The following RSC1A1 variants were observed in gnomAD, a reference collection of about 807,000 sequenced individuals.
The protein encoded by RSC1A1 is regulator of solute carriers 1, also known as regulatory solute carrier protein family 1 member 1.
In RSC1A1, 6 loss-of-function variants were observed where a neutral mutation model predicts 7.7. The observed-to-expected ratio is 0.78, with a 90% CI of 0.43 to 1.53. The LOEUF is 1.53. Among genes scored for constraint, RSC1A1 ranks in the 40% most tolerant of loss-of-function variants. The pLI, the probability that RSC1A1 is intolerant of heterozygous loss-of-function variation, is 0.01. For missense variants in RSC1A1, 729 were observed against 726.3 expected (o/e 1.00, Z -0.04); for synonymous variants, 250 against 263.0 (o/e 0.95, Z 0.48).
Position 15,660,343 on chromosome 1 carries a change from C to T in RSC1A1, c.475C>T (p.Leu159=). 1 of 1,614,134 alleles carries T rather than the reference C, an allele frequency of 6.2e-7. No individual in the cohort carries two copies. Among genetic ancestry groups the T allele is most frequent in the Non-Finnish European group, 8.5e-7 (1 of 1,180,022 alleles). ...GGATTGGCATCCAGAAAATCAGAAC[C>T]TGAGTCAAGTGAGTGACCCTCAGCA... ...EKDWHPENQN[L]SQVSDPQQHE... The change falls in exon 1 of 1, where the codon CTG becomes TTG. Residue 159 remains leucine, a synonymous_variant. Coordinates refer to ENST00000345034, the MANE Select transcript of RSC1A1 (RefSeq NM_006511.3).
the RSC1A1 span, chr1:15,661,384 C>T: frequency 2.5e-6 from 4 of 1,614,214 alleles, no homozygotes; most frequent in Non-Finnish European, 3.4e-6. Context: ...TGCACTCAAT[C>T]AGACTTCTGA....
rs1255175967 is a variant in RSC1A1 at position 15,661,162 on chromosome 1, A to G, written c.1294A>G (p.Thr432Ala). ...AGTGGAGACAGAAAAATTAACAGGT[A>G]CTTCATCTGACACTGGAAGAGAAGC... ...VSVETEKLTG[T>A]SSDTGREAVE... The change falls in exon 1 of 1, where the codon ACT becomes GCT. Residue 432 changes from threonine to alanine, a missense_variant. Coordinates refer to ENST00000345034, the MANE Select transcript of RSC1A1 (RefSeq NM_006511.3). 2.5e-6 allele frequency: 4 copies of G among 1,614,128 alleles called. No individual in the cohort carries two copies. In the Admixed American group the frequency reaches 6.7e-5, roughly 27 times the overall value.
the RSC1A1 span, chr1:15,660,220 AC>A: frequency 6.2e-7 from 1 of 1,614,232 alleles, no homozygotes. Flanking sequence ...TGAAAGAAGC[AC>A]CCAGGGCCTC....
In RSC1A1 at chr1:15,660,598, A is replaced by G. The variant is rs374494090; in HGVS notation, c.730A>G (p.Asn244Asp). 1 of 1,613,866 alleles carries G rather than the reference A, an allele frequency of 6.2e-7. No individual in the cohort carries two copies. Among genetic ancestry groups the G allele is most frequent in the African/African-American group, 1.3e-5 (1 of 74,938 alleles). ...ATCTTCAGAATGCAGTGGCTGCTCAAATTCAGAAACATTTATGGAAATCGA... is the reference window on the plus strand; with the variant it reads ...ATCTTCAGAATGCAGTGGCTGCTCAGATTCAGAAACATTTATGGAAATCGA... Reference protein sequence around the residue: ...IPSSECSGCSNSETFMEIDTA... With the variant: ...IPSSECSGCSDSETFMEIDTA... Residue 244 changes from asparagine to aspartate, a missense_variant, in exon 1 of 1, where the codon AAT (asparagine) becomes GAT (aspartate). Physicochemically the swap from Asn to Asp is conservative, Grantham distance 23 (BLOSUM62 1). Coordinates refer to ENST00000345034, the MANE Select transcript of RSC1A1 (RefSeq NM_006511.3).
At position 15,661,450 on chromosome 1, in the gene RSC1A1, A is replaced by G. The variant is rs540216336; in HGVS notation, c.1582A>G (p.Ile528Val). The part of the protein sequence containing the change: ...FILVKDLGQG[I>V]QNSVTDRPET... The stretch of plus-strand genomic sequence containing the variant: ...ATTGGTTAAAGACTTAGGTCAGGGC[A>G]TACAGAATTCAGTAACAGACAGGCC... Residue 528 changes from isoleucine (I) to valine (V), a missense_variant, in exon 1 of 1, where the codon ATA becomes GTA. By Grantham distance (29) the Ile-to-Val change is conservative. Coordinates refer to ENST00000345034, the MANE Select transcript of RSC1A1 (RefSeq NM_006511.3). 5.6e-6 allele frequency: 9 copies of G among 1,614,008 alleles called. No individual in the cohort carries two copies. In the African/African-American group the frequency reaches 1.2e-4, roughly 22 times the overall value.
Position 15,661,708 on chromosome 1 carries a change from G to C in RSC1A1, c.1840G>C (p.Val614Leu), listed in dbSNP as rs773446093. The C allele has an allele frequency of 6.2e-7, 1 of 1,610,368 alleles. No homozygotes were observed. Among genetic ancestry groups the C allele is most frequent in the East Asian group, 2.2e-5 (1 of 44,846 alleles). Reference sequence around the variant, plus strand: ...TCTTGTTTTGCTCGCAAAAAACATCGTAGTTCCTACATGACTGTGGGAAAG... The same window carrying C: ...TCTTGTTTTGCTCGCAAAAAACATCCTAGTTCCTACATGACTGTGGGAAAG... ...ALLVLLAKNI[V>L]VPT is the part of the protein sequence containing the mutation. The change falls in exon 1 of 1, where the codon GTA becomes CTA. Residue 614 changes from valine to leucine, a missense_variant. Coordinates refer to ENST00000345034, the MANE Select transcript of RSC1A1 (RefSeq NM_006511.3).
At chr1:15,661,406 CTT>C in the RSC1A1 span, 3 of 1,614,164 alleles carry the variant, frequency 1.9e-6, no homozygotes, top group South Asian at 1.1e-5. Flanking sequence ...CAAACTAAGT[CTT>C]TGTCATCCAA....
At position 15,661,469 on chromosome 1, in the gene RSC1A1, A is replaced by C. The variant is rs1386162969; in HGVS notation, c.1601A>C (p.Asp534Ala). 1.2e-6 allele frequency: 2 copies of C among 1,613,900 alleles called. No individual in the cohort carries two copies. Among genetic ancestry groups the C allele is most frequent in the Non-Finnish European group, 1.7e-6 (2 of 1,179,890 alleles). ...CAGGGCATACAGAATTCAGTAACAG[A>C]CAGGCCTGAAACCAGAGAAAATGTC... is the stretch of plus-strand genomic sequence containing the variant. Reference protein sequence around the residue: ...LGQGIQNSVTDRPETRENVCP... With the variant: ...LGQGIQNSVTARPETRENVCP... Residue 534 changes from aspartate to alanine, a missense_variant, in exon 1 of 1, where the codon GAC becomes GCC. Asp to Ala is a moderately radical substitution (Grantham distance 126). Transcript: ENST00000345034.
Position 15,659,885 on chromosome 1 carries a change from C to G in RSC1A1, c.17C>G (p.Thr6Ser). The change falls in exon 1 of 1, where the codon ACT becomes AGT. Residue 6 changes from threonine to serine, a missense_variant. Coordinates refer to ENST00000345034, the MANE Select transcript of RSC1A1 (RefSeq NM_006511.3). ...TCACTGGGAATGTCATCATTACCAA[C>G]TTCAGATGGGTTTAACCATCCCGCC... MSSLP[T>S]SDGFNHPARS... The G allele has an allele frequency of 6.3e-7, 1 of 1,586,450 alleles. No individual in the cohort carries two copies. Among genetic ancestry groups the G allele is most frequent in the South Asian group, 1.2e-5 (1 of 85,856 alleles).
Position 15,661,111 on chromosome 1 carries a change from T to C in RSC1A1, c.1243T>C (p.Ser415Pro), listed in dbSNP as rs1425209151. The change falls in exon 1 of 1, where the codon TCC becomes CCC. Residue 415 changes from serine (S) to proline (P), a missense_variant. By Grantham distance (74) the Ser-to-Pro change is moderately conservative. Transcript: ENST00000345034. ...LTQNEQCPQV[S>P]FHQAISVSVE... is the part of the protein sequence containing the mutation. The stretch of plus-strand genomic sequence containing the variant: ...CCAGAATGAACAGTGTCCACAAGTC[T>C]CCTTTCATCAGGCCATATCTGTATC... The C allele has an allele frequency of 6.2e-7, 1 of 1,613,704 alleles. No homozygotes were observed. Among genetic ancestry groups the C allele is most frequent in the Admixed American group, 1.7e-5 (1 of 59,920 alleles).
In RSC1A1 at chr1:15,660,085, T is replaced by C. The variant is rs747149779; in HGVS notation, c.217T>C (p.Ser73Pro). Reference sequence around the variant, plus strand: ...AAACTCTGAAAAGAAAGAACATCTTTCTTTACAAGATCTTTCTGATCATGC... The same window carrying C: ...AAACTCTGAAAAGAAAGAACATCTTCCTTTACAAGATCTTTCTGATCATGC... ...QLNSEKKEHLSLQDLSDHASS... is the reference protein window; with the variant it reads ...QLNSEKKEHLPLQDLSDHASS... Residue 73 changes from serine to proline, a missense_variant, in exon 1 of 1, where the codon TCT (serine) becomes CCT (proline). Coordinates refer to ENST00000345034, the MANE Select transcript of RSC1A1 (RefSeq NM_006511.3). 42 of 1,613,886 alleles carry C rather than the reference T, an allele frequency of 2.6e-5. No homozygotes were observed. The highest frequency in any genetic ancestry group is 3.4e-5 in the Non-Finnish European group (40 of 1,179,960).
Position 15,661,197 on chromosome 1 carries a change from T to C in RSC1A1, c.1329T>C (p.Asn443=), listed in dbSNP as rs2148308689. 6.2e-7 allele frequency: 1 copy of C among 1,614,100 alleles called. No homozygotes were observed. The highest frequency in any genetic ancestry group is 8.5e-7 in the Non-Finnish European group (1 of 1,180,016). Residue 443 remains asparagine, a synonymous_variant, in exon 1 of 1, where the codon AAT becomes AAC. Transcript: ENST00000345034. The part of the protein sequence containing the change: ...SSDTGREAVE[N]VNFRSLGDGL... ...ACACTGGAAGAGAAGCTGTAGAAAA[T>C]GTAAACTTCAGGAGTCTAGGTGATG...
chr1:15,661,827 G>T lies in RSC1A1; in HGVS notation c.*105G>T, dbSNP rs537321999. ...ACTCACCACATATACAGTATATATA[G>T]AAACCTGCAAGCAGAATGTTGAGCC... On this transcript the variant is annotated 3_prime_UTR_variant, in exon 1 of 1. Transcript: ENST00000345034. 12 of 1,344,732 alleles carry T rather than the reference G, an allele frequency of 8.9e-6. No homozygotes were observed. The highest frequency in any genetic ancestry group is 1.1e-5 in the Non-Finnish European group (11 of 1,036,574). 83.3% of individuals were successfully genotyped at this position (1,344,732 alleles called of 1,614,324 possible).
Position 15,659,780 on chromosome 1 carries a change from T to C in RSC1A1, c.-89T>C, listed in dbSNP as rs1224053872. 1.6e-5 allele frequency: 23 copies of C among 1,464,138 alleles called. No homozygotes were observed. In the South Asian group the frequency reaches 2.6e-4, roughly 16 times the overall value. The allele number at this position is 1,464,138 out of a possible 1,614,324, so 90.7% of individuals were successfully genotyped here. On this transcript the variant is annotated 5_prime_UTR_variant, in exon 1 of 1. Transcript: ENST00000345034. ...TTTAGATTTGTATCCTCTGGTAATT[T>C]AGTGGCATTAGTCACCTGCTAATTA...
Position 15,661,691 on chromosome 1 carries a change from T to C in RSC1A1, c.1823T>C (p.Leu608Ser), listed in dbSNP as rs1407264665. 4 of 1,610,900 alleles carry C rather than the reference T, an allele frequency of 2.5e-6. No individual in the cohort carries two copies. Among genetic ancestry groups the C allele is most frequent in the Non-Finnish European group, 3.4e-6 (4 of 1,178,540 alleles). The change falls in exon 1 of 1, where the codon TTG (leucine) becomes TCG (serine). Residue 608 changes from leucine to serine, a missense_variant. Coordinates refer to ENST00000345034, the MANE Select transcript of RSC1A1 (RefSeq NM_006511.3). Reference protein sequence around the residue: ...GGNADLALLVLLAKNIVVPT With the variant: ...GGNADLALLVSLAKNIVVPT ...AATGCAGACCTTGCACTTCTTGTTT[T>C]GCTCGCAAAAAACATCGTAGTTCCT...
Position 15,661,487 on chromosome 1 carries a change from A to T in RSC1A1, c.1619A>T (p.Glu540Val). 1 of 1,613,994 alleles carries T rather than the reference A, an allele frequency of 6.2e-7. No individual in the cohort carries two copies. The highest frequency in any genetic ancestry group is 1.1e-5 in the South Asian group (1 of 91,024). ...NSVTDRPETRENVCPDASRPL... is the reference protein window; with the variant it reads ...NSVTDRPETRVNVCPDASRPL... ...GTAACAGACAGGCCTGAAACCAGAG[A>T]AAATGTCTGTCCTGATGCTTCGAGG... Residue 540 changes from glutamate (E) to valine (V), a missense_variant, in exon 1 of 1, where the codon GAA becomes GTA. Transcript: ENST00000345034.
rs1483990366 is a variant in RSC1A1, at chr1:15,661,166, C to T, written c.1298C>T (p.Ser433Leu). The T allele has an allele frequency of 1.9e-6, 3 of 1,614,110 alleles. No homozygotes were observed. The highest frequency in any genetic ancestry group is 1.7e-6 in the Non-Finnish European group (2 of 1,180,002). ...GAGACAGAAAAATTAACAGGTACTT[C>T]ATCTGACACTGGAAGAGAAGCTGTA... is the stretch of plus-strand genomic sequence containing the variant. ...SVETEKLTGTSSDTGREAVEN... is the reference protein window; with the variant it reads ...SVETEKLTGTLSDTGREAVEN... Residue 433 changes from serine to leucine, a missense_variant, in exon 1 of 1, where the codon TCA becomes TTA. Physicochemically the swap from Ser to Leu is moderately radical, Grantham distance 145 (BLOSUM62 -2). Transcript: ENST00000345034.
At position 15,660,755 on chromosome 1, in the gene RSC1A1, C is replaced by G. The variant is rs1484150061; in HGVS notation, c.887C>G (p.Pro296Arg). Reference sequence around the variant, plus strand: ...GAAGTAGAAACATCAAAATGTAACCCTTCATCTGAAATTTTGAATGATTCC... The same window carrying G: ...GAAGTAGAAACATCAAAATGTAACCGTTCATCTGAAATTTTGAATGATTCC... The part of the protein sequence containing the change: ...LMEVETSKCN[P>R]SSEILNDSIS... Residue 296 changes from proline (P) to arginine (R), a missense_variant, in exon 1 of 1, where the codon CCT becomes CGT. By Grantham distance (103) the Pro-to-Arg change is moderately radical. Coordinates refer to ENST00000345034, the MANE Select transcript of RSC1A1 (RefSeq NM_006511.3). 1 of 1,613,638 alleles carries G rather than the reference C, an allele frequency of 6.2e-7. No homozygotes were observed. Among genetic ancestry groups the G allele is most frequent in the Non-Finnish European group, 8.5e-7 (1 of 1,179,930 alleles).
rs1363316475 is a variant in RSC1A1 at position 15,661,512 on chromosome 1, G to T, written c.1644G>T (p.Arg548Ser). Reference protein sequence around the residue: ...TRENVCPDASRPLLEYEPPTS... With the variant: ...TRENVCPDASSPLLEYEPPTS... ...AAAATGTCTGTCCTGATGCTTCGAG[G>T]CCATTACTTGAATATGAACCACCTA... Residue 548 changes from arginine to serine, a missense_variant, in exon 1 of 1, where the codon AGG becomes AGT. Coordinates refer to ENST00000345034, the MANE Select transcript of RSC1A1 (RefSeq NM_006511.3). The T allele has an allele frequency of 6.2e-7, 1 of 1,613,924 alleles. No homozygotes were observed. Among genetic ancestry groups the T allele is most frequent in the African/African-American group, 1.3e-5 (1 of 74,898 alleles).
Sources: gnomAD v4.1 joint callset for allele counts on GRCh38, gnomAD v4.1.1 for gene constraint, MANE v1.5 for transcripts, NCBI Gene and HGNC (gene_info 2026-07-23, HGNC 2026-07-21) for gene names.